Variants in CPNE9 observed in about 807,000 individuals in gnomAD.
The protein encoded by CPNE9 is copine-9.
In CPNE9, 59 loss-of-function variants were observed where a neutral mutation model predicts 83.0. That is an observed-to-expected ratio of 0.71 (90% confidence interval 0.58 to 0.88). The LOEUF (loss-of-function observed/expected upper bound fraction) is 0.88. CPNE9 is among the 40% of genes least tolerant of loss of function. The pLI is 0.00. For synonymous variants in CPNE9, 256 were observed against 273.4 expected (o/e 0.94, Z 0.63); for missense variants, 619 against 720.8 (o/e 0.86, Z 1.62).
intron 13 of CPNE9, 103 bp downstream of exon 13, chr3:9,715,629 G>A (rs2076675873): frequency 2.0e-6 from 2 of 977,474 alleles, no homozygotes; most frequent in Non-Finnish European, 3.3e-6. Flanking sequence ...AGTGGGCACA[G>A]ATTACTTGGA....
At position 9,704,504 on chromosome 3, in the gene CPNE9, C is replaced by A; in HGVS notation, c.69-83C>A. On this transcript the variant is annotated intron_variant, in intron 1 of 20. Coordinates refer to ENST00000383832, the MANE Select transcript of CPNE9 (RefSeq NM_153635.3). This position sits in a 1 kb window ranked among gnomAD's most constrained non-coding sequence, Gnocchi z 7.1. ...GAGGTTCGATGCGGGCCCCATGCCTCTCCTCAGTGCCCGGCTCAGAGCCGA... is the reference window on the plus strand; with the variant it reads ...GAGGTTCGATGCGGGCCCCATGCCTATCCTCAGTGCCCGGCTCAGAGCCGA... The A allele has an allele frequency of 4.1e-6, 5 of 1,213,044 alleles. No homozygotes were observed. Among genetic ancestry groups the A allele is most frequent in the Non-Finnish European group, 6.1e-6 (5 of 814,020 alleles). 75.1% of individuals were successfully genotyped at this position (1,213,044 alleles called of 1,614,324 possible). A position where few individuals can be genotyped will look rare whatever the true frequency, so the allele number is the denominator to read the frequency against.
chr3:9,714,638 GTAAAAAAAAA>G (rs1420578446), intron 10 of CPNE9, among the ~76,000 whole-genome samples: 3 of 43,838 alleles, frequency 6.8e-5, no homozygotes, highest in African/African-American at 1.9e-4. Context: ...GCTCAAAGTG[GTAAAAAAAAA>G]AAAAAAAAAA....
chr3:9,705,733 G>T lies in CPNE9; in HGVS notation c.300+13G>T. ...GGACCTGCAGAAGGTGAGGCTGAAT[G>T]GGGCTGGGCAGAGGTTGGGGGTGGG... On this transcript the variant is annotated intron_variant, in intron 6 of 20. Transcript: ENST00000383832. 1 of 1,613,678 alleles carries T rather than the reference G, an allele frequency of 6.2e-7. No homozygotes were observed.
chr3:9,715,436 T>C lies in CPNE9; in HGVS notation c.769-37T>C, dbSNP rs557010969. The C allele has an allele frequency of 4.3e-6, 7 of 1,612,884 alleles. 1 individual carries two copies. In the South Asian group the frequency reaches 7.7e-5, roughly 18 times the overall value. ...TGTGCTCAGTCTGGACCTCCCTTCCTTTGTTTCTCATCATCACTGTTACCT... is the reference window on the plus strand; with the variant it reads ...TGTGCTCAGTCTGGACCTCCCTTCCCTTGTTTCTCATCATCACTGTTACCT... On this transcript the variant is annotated intron_variant, in intron 12 of 20. Transcript: ENST00000383832.
At chr3:9,725,699 T>TATAC (rs2076777605) in intron 17 of CPNE9, among the ~76,000 whole-genome samples, 2 of 137,240 alleles carry the variant, frequency 1.5e-5, no homozygotes, top group African/African-American at 5.1e-5. Flanking sequence ...CATATATGTG[T>TATAC]ATATATGTGT....
At chr3:9,705,922 C>T in intron 6 of CPNE9, 65 bp from the exon 7 acceptor site, 2 of 1,553,344 alleles carry the variant, frequency 1.3e-6, no homozygotes, top group Admixed American at 3.4e-5. Context: ...AGGAGCATCA[C>T]TGGGGCTAGG....
In CPNE9 at chr3:9,712,799, T is replaced by C; in HGVS notation, c.516T>C (p.Leu172=). The change falls in exon 9 of 21, where the codon CTT becomes CTC. Residue 172 remains leucine (L), a synonymous_variant. Coordinates refer to ENST00000383832, the MANE Select transcript of CPNE9 (RefSeq NM_153635.3). ...KDFFGKSDPF[L]VFYRSNEDGT... ...TCTTTGGGAAATCAGACCCCTTCCT[T>C]GTGTTCTACAGGAGCAATGAGGATG... 1 of 1,614,100 alleles carries C rather than the reference T, an allele frequency of 6.2e-7. No homozygotes were observed. Among genetic ancestry groups the C allele is most frequent in the Non-Finnish European group, 8.5e-7 (1 of 1,180,002 alleles).
chr3:9,706,939 A>C (rs1422061888), intron 7 of CPNE9, among the ~76,000 whole-genome samples: 1 of 152,232 alleles, frequency 6.6e-6, no homozygotes, highest in African/African-American at 2.4e-5. Context: ...TTGAAGAGCT[A>C]ACAGGGCCTT....
intron 4 of CPNE9, 28 bp from the exon 5 acceptor site, chr3:9,705,436 C>A (rs1346528920): frequency 6.8e-7 from 1 of 1,465,946 alleles, no homozygotes; most frequent in Non-Finnish European, 9.3e-7. Flanking sequence ...CCCAGCCCCA[C>A]CCCACACCGG....
rs112632433 is a variant in CPNE9 at position 9,719,998 on chromosome 3, T to A, written c.1241+1396T>A. On this transcript the variant is annotated intron_variant, in intron 17 of 20. Transcript: ENST00000383832. ...AGAGCAAGACTCTGTCTCAAAAAAATATATATATATACATATATATATATA... is the reference window on the plus strand; with the variant it reads ...AGAGCAAGACTCTGTCTCAAAAAAAAATATATATATACATATATATATATA... Among the ~76,000 whole-genome samples, 293 of 149,550 alleles carry A rather than the reference T, an allele frequency of 2.0e-3. 1 individual carries two copies. Among genetic ancestry groups the A allele is most frequent in the Admixed American group, 2.1e-3 (31 of 14,926 alleles).
intron 17 of CPNE9, among the ~76,000 whole-genome samples, chr3:9,724,271 C>A (rs939281714): frequency 1.3e-5 from 2 of 148,702 alleles, no homozygotes; most frequent in Non-Finnish European, 3.0e-5. Context: ...GAAAAAAAAT[C>A]TTGGCTTCAA....
At position 9,704,730 on chromosome 3, in the gene CPNE9, T is replaced by C. The variant is rs752768911; in HGVS notation, c.110-19T>C. On this transcript the variant is annotated intron_variant, in intron 2 of 20. Coordinates refer to ENST00000383832, the MANE Select transcript of CPNE9 (RefSeq NM_153635.3). This position sits in a 1 kb window ranked among gnomAD's most constrained non-coding sequence, Gnocchi z 7.1. ...TGGGAGCCGACCTGACGTCCTTCCC[T>C]CCCCGCCCCCACCTGCAGTGGTGGT... The C allele has an allele frequency of 4.0e-4, 646 of 1,612,008 alleles. 1 individual carries two copies. The highest frequency in any genetic ancestry group is 3.9e-4 in the Non-Finnish European group (455 of 1,179,452).
intron 7 of CPNE9, among the ~76,000 whole-genome samples, chr3:9,707,039 G>A (rs1243272521): frequency 6.6e-6 from 1 of 152,120 alleles, no homozygotes; most frequent in African/African-American, 2.4e-5. Flanking sequence ...ACAAAAGATG[G>A]TGCTAGCTGT....
chr3:9,715,605 G>A, intron 13 of CPNE9, 79 bp downstream of exon 13: 2 of 1,246,200 alleles, frequency 1.6e-6, no homozygotes, highest in Non-Finnish European at 1.2e-6. Context: ...CAAATATCGA[G>A]GGCAGGGCAA....
intron 10 of CPNE9, among the ~76,000 whole-genome samples, chr3:9,714,639 T>TAAAAAAA (rs34491669): frequency 2.9e-5 from 3 of 103,350 alleles, no homozygotes; most frequent in African/African-American, 3.2e-5. Flanking sequence ...CTCAAAGTGG[T>TAAAAAAA]AAAAAAAAAA....
At chr3:9,705,132 A>G (rs953795055) in intron 4 of CPNE9, 138 bp downstream of exon 4, 1 of 694,308 alleles carries the variant, frequency 1.4e-6, no homozygotes, top group Non-Finnish European at 2.6e-6. Context: ...GGCCCCCTCT[A>G]GCCTGAGCCC....
intron 5 of CPNE9, 98 bp downstream of exon 5, chr3:9,705,598 C>T: frequency 5.8e-6 from 9 of 1,560,676 alleles, no homozygotes; most frequent in Non-Finnish European, 8.0e-6. Flanking sequence ...GACCCAGACC[C>T]CATCTTCTTC....
At chr3:9,719,997 AT>A (rs1412179942) in intron 17 of CPNE9, among the ~76,000 whole-genome samples, 1 of 150,306 alleles carries the variant, frequency 6.7e-6, no homozygotes, top group Non-Finnish European at 1.5e-5. Flanking sequence ...TCTCAAAAAA[AT>A]ATATATATAT....
At chr3:9,727,213 G>C in intron 20 of CPNE9, 27 bp downstream of exon 20, 1 of 1,613,286 alleles carries the variant, frequency 6.2e-7, no homozygotes, top group Non-Finnish European at 8.5e-7. Flanking sequence ...AGAGGCTGTG[G>C]AGCTGAGAGG....
Sources: allele counts gnomAD v4.1 joint callset (sites outside exome capture counted in the v4.1 genomes callset), GRCh38; gene constraint gnomAD v4.1.1; non-coding constraint Gnocchi (gnomAD v3.1); transcripts MANE v1.5; gene names NCBI Gene and HGNC (gene_info 2026-07-23, HGNC 2026-07-21).